The following GSK3B variants were observed in gnomAD, a reference collection of about 807,000 sequenced individuals.
The protein encoded by GSK3B is glycogen synthase kinase 3 beta.
Under a neutral mutation model 56.4 loss-of-function variants are expected in GSK3B, and 15 were observed. The observed-to-expected ratio is 0.27, with a 90% CI of 0.18 to 0.41. GSK3B has a LOEUF of 0.41. GSK3B is among the 10% of genes least tolerant of loss of function. GSK3B has a pLI of 1.00. For missense variants in GSK3B, 300 were observed against 513.4 expected, an observed-to-expected ratio of 0.58 and a Z score of 4.02; for synonymous variants, 181 against 188.9, an observed-to-expected ratio of 0.96 and a Z score of 0.34.
At chr3:119,828,395 T>TC (rs1440703891) in intron 10 of GSK3B, among the ~76,000 whole-genome samples, 2 of 152,182 alleles carry the variant, frequency 1.3e-5, no homozygotes, top group Admixed American at 1.3e-4. Flanking sequence ...CCAAATTTTC[T>TC]CCCAAAGATT....
intron 10 of GSK3B, among the ~76,000 whole-genome samples, chr3:119,834,034 T>C (rs2055648744): frequency 6.6e-6 from 1 of 152,136 alleles, no homozygotes; most frequent in African/African-American, 2.4e-5. Context: ...TTTACTACGC[T>C]CTTGCCCAAT....
In GSK3B at chr3:119,947,363, A is replaced by G. The variant is rs766856807; in HGVS notation, c.283-12T>C. On this transcript the variant is annotated splice_polypyrimidine_tract_variant and intron_variant, in intron 2 of 10. Coordinates refer to ENST00000264235, the MANE Select transcript of GSK3B (RefSeq NM_001146156.2). ...TGGAGCTCTCGATTCTGAAAAGGAA[A>G]CACATAAAAATATATTTTTAAAGGA... The G allele has an allele frequency of 6.7e-7, 1 of 1,492,968 alleles. No individual in the cohort carries two copies. The highest frequency in any genetic ancestry group is 9.3e-7 in the Non-Finnish European group (1 of 1,071,386). 92.5% of individuals were successfully genotyped at this position (1,492,968 alleles called of 1,614,324 possible). A position where few individuals can be genotyped will look rare whatever the true frequency, so the allele number is the denominator to read the frequency against.
At chr3:120,091,605 A>AT (rs1342495679) in intron 1 of GSK3B, among the ~76,000 whole-genome samples, 1 of 152,214 alleles carries the variant, frequency 6.6e-6, no homozygotes, top group African/African-American at 2.4e-5. Flanking sequence ...TTCAAACTAT[A>AT]TTACCAAGAT....
intron 1 of GSK3B, among the ~76,000 whole-genome samples, chr3:120,070,458 T>C (rs2058317828): frequency 6.6e-6 from 1 of 150,676 alleles, no homozygotes; most frequent in Admixed American, 6.6e-5. Context: ...CACTTCCAAA[T>C]AAGGACAATG....
chr3:119,854,332 T>C (rs1395274246), intron 9 of GSK3B, among the ~76,000 whole-genome samples: 1 of 152,210 alleles, frequency 6.6e-6, no homozygotes, highest in Non-Finnish European at 1.5e-5. Context: ...AGTATTTTAT[T>C]GAAGATTTTT....
intron 2 of GSK3B, among the ~76,000 whole-genome samples, chr3:119,983,010 C>T (rs1490751120): frequency 7.2e-5 from 11 of 152,120 alleles, no homozygotes; most frequent in African/African-American, 1.7e-4. Context: ...GTGGATCTCT[C>T]GGCAGAAACC....
intron 1 of GSK3B, among the ~76,000 whole-genome samples, chr3:120,089,140 G>A (rs905701135): frequency 1.3e-5 from 2 of 152,202 alleles, no homozygotes; most frequent in East Asian, 1.9e-4. Context: ...CCAGTGAAAT[G>A]AGAAGATGTC....
At chr3:119,914,719 A>G (rs756460637) in intron 5 of GSK3B, among the ~76,000 whole-genome samples, 16 of 152,102 alleles carry the variant, frequency 1.1e-4, no homozygotes, top group Non-Finnish European at 2.2e-4. Flanking sequence ...AAGAGGACAC[A>G]TTGTGAGACT....
At chr3:120,039,525 T>C (rs1043170965) in intron 1 of GSK3B, among the ~76,000 whole-genome samples, 3 of 152,216 alleles carry the variant, frequency 2.0e-5, no homozygotes, top group African/African-American at 7.2e-5. Flanking sequence ...TGTCAGCTCT[T>C]ATCAATAGCT....
intron 2 of GSK3B, among the ~76,000 whole-genome samples, chr3:119,966,174 A>T (rs3853592): frequency 1.3e-5 from 2 of 152,122 alleles, no homozygotes; most frequent in Non-Finnish European, 2.9e-5. Flanking sequence ...TGAGTTGGCC[A>T]GCCTTAGTTC....
chr3:119,968,662 G>A lies in GSK3B; in HGVS notation c.283-21311C>T, dbSNP rs529018868. On this transcript the variant is annotated intron_variant, in intron 2 of 10. Transcript: ENST00000264235. ...CAGCTAACATCACATTTAATGGTGA[G>A]AAAATAGATGCTACAAAGCAAAATT... Among the ~76,000 whole-genome samples the A allele has an allele frequency of 2.7e-4, 41 of 152,038 alleles. No homozygotes were observed. In the South Asian group the frequency reaches 8.3e-3, roughly 31 times the overall value.
chr3:119,821,710 A>C lies in GSK3B; in HGVS notation c.*5078T>G, dbSNP rs1007748294. 4 of 155,054 alleles carry C rather than the reference A, an allele frequency of 2.6e-5. No individual in the cohort carries two copies. Among genetic ancestry groups the C allele is most frequent in the African/African-American group, 9.6e-5 (4 of 41,570 alleles). The allele number at this position is 155,054 out of a possible 1,614,324, so 9.6% of individuals were successfully genotyped here. A position where few individuals can be genotyped will look rare whatever the true frequency, so the allele number is the denominator to read the frequency against. ...TTTCTTTTCTAAGCAGTGTCTGCAA[A>C]GCTTCCTCTACATCAAATCCAAAGG... is the stretch of plus-strand genomic sequence containing the variant. On this transcript the variant is annotated 3_prime_UTR_variant, in exon 11 of 11. Transcript: ENST00000264235.
intron 4 of GSK3B, among the ~76,000 whole-genome samples, chr3:119,919,859 C>G (rs1226887071): frequency 6.6e-6 from 1 of 151,852 alleles, no homozygotes; most frequent in African/African-American, 2.4e-5. Flanking sequence ...CACACACACA[C>G]ACACACACGA....
chr3:119,903,602 A>G (rs2056647573), intron 7 of GSK3B, among the ~76,000 whole-genome samples: 1 of 152,230 alleles, frequency 6.6e-6, no homozygotes, highest in Non-Finnish European at 1.5e-5. Flanking sequence ...AAAAAGTTGT[A>G]CAAACAAGCT....
intron 2 of GSK3B, among the ~76,000 whole-genome samples, chr3:119,951,042 G>T (rs2057151696): frequency 6.6e-6 from 1 of 152,204 alleles, no homozygotes; most frequent in Non-Finnish European, 1.5e-5. Context: ...TGTAGTCCCA[G>T]TTAGAGAAAA....
chr3:120,058,448 T>C (rs754021839), intron 1 of GSK3B, among the ~76,000 whole-genome samples: 1 of 152,174 alleles, frequency 6.6e-6, no homozygotes, highest in Non-Finnish European at 1.5e-5. Flanking sequence ...TCACTAGCGG[T>C]AATTAGTTGC....
At chr3:119,842,200 C>A (rs964836491) in intron 10 of GSK3B, among the ~76,000 whole-genome samples, 1 of 152,162 alleles carries the variant, frequency 6.6e-6, no homozygotes, top group African/African-American at 2.4e-5. Flanking sequence ...TTTCACTTCA[C>A]TCTTAAGGGT....
At chr3:120,092,729 T>C (rs191592771) in intron 1 of GSK3B, among the ~76,000 whole-genome samples, 1 of 152,358 alleles carries the variant, frequency 6.6e-6, no homozygotes, top group Admixed American at 6.5e-5. Flanking sequence ...TAGGTATTTA[T>C]TGGCTCCCAC....
chr3:119,848,419 GCTTT>G (rs1181479115), intron 9 of GSK3B, among the ~76,000 whole-genome samples: 1 of 149,754 alleles, frequency 6.7e-6, no homozygotes, highest in Non-Finnish European at 1.5e-5. Context: ...TTCAAGAAAA[GCTTT>G]TTTTTTTAAA....
Sources: allele counts gnomAD v4.1 joint callset (sites outside exome capture counted in the v4.1 genomes callset), GRCh38; gene constraint gnomAD v4.1.1; transcripts MANE v1.5; gene names NCBI Gene and HGNC (gene_info 2026-07-23, HGNC 2026-07-21).